Variants in IQGAP2 observed in about 807,000 individuals in gnomAD.
IQGAP2 encodes the protein ras GTPase-activating-like protein IQGAP2.
Under a neutral mutation model 201.3 loss-of-function variants are expected in IQGAP2, and 173 were observed. The ratio of observed to expected loss-of-function variants is 0.86; its 90% CI spans 0.76 to 0.98. The LOEUF is 0.98. IQGAP2 is among the 50% of genes least tolerant of loss of function. The pLI is 0.00. For synonymous variants in IQGAP2, 675 were observed against 673.9 expected (o/e 1.00, Z -0.03); for missense variants, 1,687 against 1,864.8 (o/e 0.90, Z 1.76).
At chr5:76,412,891 G>C (rs539989978) in intron 1 of IQGAP2, among the ~76,000 whole-genome samples, 1 of 152,268 alleles carries the variant, frequency 6.6e-6, no homozygotes, top group East Asian at 1.9e-4. Context: ...TAAAATGTAA[G>C]TGGAAAATGC....
At chr5:76,652,398 A>G (rs549151429) in intron 17 of IQGAP2, among the ~76,000 whole-genome samples, 1 of 152,138 alleles carries the variant, frequency 6.6e-6, no homozygotes, top group East Asian at 1.9e-4. Flanking sequence ...ATCAAATACC[A>G]CTAGCACCTA....
At chr5:76,434,661 A>G (rs1318619552) in intron 1 of IQGAP2, among the ~76,000 whole-genome samples, 2 of 152,164 alleles carry the variant, frequency 1.3e-5, no homozygotes, top group Non-Finnish European at 2.9e-5. Context: ...ACCTGCATTA[A>G]ACATACACAT....
At chr5:76,632,122 A>G (rs1750765739) in intron 15 of IQGAP2, 96 bp downstream of exon 15, 3 of 1,033,408 alleles carry the variant, frequency 2.9e-6, no homozygotes, top group Admixed American at 6.4e-5. Context: ...AATGCTTTCA[A>G]ATTAACATTT....
intron 21 of IQGAP2, among the ~76,000 whole-genome samples, chr5:76,663,226 A>G (rs556355036): frequency 6.6e-6 from 1 of 152,218 alleles, no homozygotes; most frequent in Admixed American, 6.5e-5. Context: ...GGAAGTGGCC[A>G]GGGTGATAGA....
intron 2 of IQGAP2, among the ~76,000 whole-genome samples, chr5:76,507,285 C>T (rs896310704): frequency 3.9e-5 from 6 of 151,982 alleles, no homozygotes; most frequent in East Asian, 3.9e-4. Flanking sequence ...TTTTTTTCAA[C>T]GAATGGTGCT....
intron 4 of IQGAP2, among the ~76,000 whole-genome samples, chr5:76,573,410 G>T (rs868100893): frequency 6.6e-6 from 1 of 152,188 alleles, no homozygotes; most frequent in Non-Finnish European, 1.5e-5. Context: ...TCTGTGCTCA[G>T]TATCATGCTA....
chr5:76,638,352 C>T (rs1457001120), intron 16 of IQGAP2, among the ~76,000 whole-genome samples: 1 of 152,072 alleles, frequency 6.6e-6, no homozygotes, highest in African/African-American at 2.4e-5. Context: ...GCACTCCAGC[C>T]TGGGCGACAA....
chr5:76,622,553 G>T (rs1352241211), intron 13 of IQGAP2, among the ~76,000 whole-genome samples: 2 of 152,118 alleles, frequency 1.3e-5, no homozygotes, highest in African/African-American at 4.8e-5. Context: ...AAAAGCAGGA[G>T]GTTTCAGGCT....
chr5:76,623,321 A>G (rs1274364971), intron 13 of IQGAP2: 54 of 1,472,272 alleles, frequency 3.7e-5, no homozygotes, highest in Middle Eastern at 3.5e-4. Context: ...TCAGCAGCAA[A>G]TGGAAGCCTT....
At chr5:76,510,736 G>A (rs565086684) in intron 2 of IQGAP2, 2 of 510,038 alleles carry the variant, frequency 3.9e-6, no homozygotes, top group East Asian at 5.5e-5. Context: ...ACCTAAGGGT[G>A]TACCTGGGGG....
At chr5:76,487,001 A>G (rs905611027) in intron 2 of IQGAP2, among the ~76,000 whole-genome samples, 23 of 152,008 alleles carry the variant, frequency 1.5e-4, no homozygotes, top group African/African-American at 5.6e-4. Context: ...CATGCCAAAC[A>G]CTGTTTTAAG....
At chr5:76,647,384 C>T (rs969844986) in intron 17 of IQGAP2, among the ~76,000 whole-genome samples, 1 of 152,100 alleles carries the variant, frequency 6.6e-6, no homozygotes, top group Non-Finnish European at 1.5e-5. Flanking sequence ...TATGGTTTGG[C>T]TCTGTGTCCC....
chr5:76,574,578 TTTC>T (rs1338349936), intron 4 of IQGAP2, among the ~76,000 whole-genome samples: 1 of 152,236 alleles, frequency 6.6e-6, no homozygotes, highest in Non-Finnish European at 1.5e-5. Context: ...CTGAAATCTG[TTTC>T]TTATCAGGCT....
intron 8 of IQGAP2, 146 bp from the exon 9 acceptor site, chr5:76,592,692 A>T (rs1362191958): frequency 1.6e-6 from 1 of 637,036 alleles, no homozygotes; most frequent in Non-Finnish European, 2.8e-6. Flanking sequence ...AGTCCCCTGC[A>T]CAGAGCAGGC....
At chr5:76,439,011 T>C (rs771680286) in intron 1 of IQGAP2, among the ~76,000 whole-genome samples, 2 of 152,040 alleles carry the variant, frequency 1.3e-5, no homozygotes, top group Non-Finnish European at 2.9e-5. Context: ...GATTTTATCT[T>C]AGCACTGCTT....
chr5:76,664,607 T>C (rs986948804), intron 21 of IQGAP2, among the ~76,000 whole-genome samples: 3 of 151,996 alleles, frequency 2.0e-5, no homozygotes, highest in African/African-American at 7.3e-5. Flanking sequence ...CGCTTGAACC[T>C]GGCAGGCAGA....
At chr5:76,524,531 G>T (rs1758862010) in intron 2 of IQGAP2, among the ~76,000 whole-genome samples, 1 of 152,182 alleles carries the variant, frequency 6.6e-6, no homozygotes, top group South Asian at 2.1e-4. Context: ...GGCTGTTCAA[G>T]CCACATGTCT....
In IQGAP2 at chr5:76,611,200, C is replaced by G. The variant is rs377511293; in HGVS notation, c.1521+17C>G. On this transcript the variant is annotated intron_variant, in intron 13 of 35. Coordinates refer to ENST00000274364, the MANE Select transcript of IQGAP2 (RefSeq NM_006633.5). ...AAACTCGGAGTAAGTTTTAGTATAT[C>G]TGTTTCTTTTAAATTTTACAGGCTG... The G allele has an allele frequency of 4.0e-4, 628 of 1,588,728 alleles. 2 individuals carry two copies. The highest frequency in any genetic ancestry group is 5.1e-4 in the Non-Finnish European group (590 of 1,166,130).
intron 2 of IQGAP2, among the ~76,000 whole-genome samples, chr5:76,495,707 C>T (rs1056171347): frequency 1.2e-4 from 18 of 152,172 alleles, no homozygotes; most frequent in Non-Finnish European, 1.0e-4. Context: ...AGGGAACTTA[C>T]AATCATGGCG....
Sources: allele counts gnomAD v4.1 joint callset (sites outside exome capture counted in the v4.1 genomes callset), GRCh38; gene constraint gnomAD v4.1.1; transcripts MANE v1.5; gene names NCBI Gene and HGNC (gene_info 2026-07-23, HGNC 2026-07-21).